The following COLQ variants were observed in gnomAD, a reference collection of about 807,000 sequenced individuals.
The protein encoded by COLQ is collagen like tail subunit of asymmetric acetylcholinesterase.
Under a neutral mutation model 69.0 loss-of-function variants are expected in COLQ, and 48 were observed. The ratio of observed to expected loss-of-function variants is 0.70; its 90% CI spans 0.55 to 0.88. The LOEUF is 0.88. Among genes scored for constraint, COLQ ranks in the 40% least tolerant of loss-of-function variants. COLQ has a pLI of 0.00. For synonymous variants in COLQ, 217 were observed against 211.2 expected (o/e 1.03, Z -0.24); for missense variants, 618 against 594.6 (o/e 1.04, Z -0.41).
chr3:15,456,828 TTCTTTTG>T (rs59052391), intron 13 of COLQ, among the ~76,000 whole-genome samples: 9 of 52,990 alleles, frequency 1.7e-4, no homozygotes, highest in South Asian at 1.3e-3. Flanking sequence ...TTTTCTTTTT[TTCTTTTG>T]TTTTTGAGAT....
chr3:15,482,507 T>G (rs2062505134), intron 3 of COLQ, among the ~76,000 whole-genome samples: 1 of 152,214 alleles, frequency 6.6e-6, no homozygotes. Flanking sequence ...TATGCTGGAT[T>G]ACATTTATTG....
intron 1 of COLQ, among the ~76,000 whole-genome samples, chr3:15,491,435 T>C (rs1201178828): frequency 6.6e-6 from 1 of 152,204 alleles, no homozygotes; most frequent in Non-Finnish European, 1.5e-5. Flanking sequence ...GGCCAGCATC[T>C]GCCGACCATC....
At chr3:15,481,881 T>C (rs2062490070) in intron 3 of COLQ, among the ~76,000 whole-genome samples, 1 of 152,228 alleles carries the variant, frequency 6.6e-6, no homozygotes, top group Non-Finnish European at 1.5e-5. Context: ...CTGTTCTCTT[T>C]CATTTCATTG....
At chr3:15,498,941 T>C (rs566562785) in intron 1 of COLQ, 14 of 1,192,634 alleles carry the variant, frequency 1.2e-5, no homozygotes, top group Non-Finnish European at 1.4e-5. Context: ...TCAAACAGGC[T>C]GCTTTTCATT....
chr3:15,460,092 T>C (rs893873105), intron 12 of COLQ, among the ~76,000 whole-genome samples: 2 of 152,168 alleles, frequency 1.3e-5, no homozygotes, highest in African/African-American at 4.8e-5. Flanking sequence ...AATTTCATGG[T>C]TTCCTATGCC....
chr3:15,486,124 G>A (rs1000227168), intron 3 of COLQ, among the ~76,000 whole-genome samples: 1 of 152,132 alleles, frequency 6.6e-6, no homozygotes, highest in Non-Finnish European at 1.5e-5. Context: ...GAAGAGGAGG[G>A]TTTTCATTCC....
At position 15,504,252 on chromosome 3, in the gene COLQ, G is replaced by A. The variant is rs1227406504; in HGVS notation, c.107-14615C>T. Among the ~76,000 whole-genome samples the A allele has an allele frequency of 2.0e-5, 3 of 152,174 alleles. No homozygotes were observed. The East Asian group carries it at 5.8e-4, about 29-fold the overall frequency. On this transcript the variant is annotated intron_variant, in intron 1 of 16. Coordinates refer to ENST00000383788, the MANE Select transcript of COLQ (RefSeq NM_005677.4). ...CTGCGGTTCGTGTATTGGTTTTCTAGGGCTGGGGTAACAAAGTACCACAGA... is the reference window on the plus strand; with the variant it reads ...CTGCGGTTCGTGTATTGGTTTTCTAAGGCTGGGGTAACAAAGTACCACAGA...
rs914704389 is a variant in COLQ at position 15,478,842 on chromosome 3, C to G, written c.393+135G>C. 6.6e-6 allele frequency: 7 copies of G among 1,057,188 alleles called. No individual in the cohort carries two copies. In the African/African-American group the frequency reaches 9.4e-5, roughly 14 times the overall value. The allele number at this position is 1,057,188 out of a possible 1,614,324, so 65.5% of individuals were successfully genotyped here. The stretch of plus-strand genomic sequence containing the variant: ...AAGGTTACTACTGTCACCATCGAGA[C>G]AGCAGCACCATCACTGTCCACCTGG... On this transcript the variant is annotated intron_variant, in intron 5 of 16. Coordinates refer to ENST00000383788, the MANE Select transcript of COLQ (RefSeq NM_005677.4).
intron 13 of COLQ, 52 bp from the exon 14 acceptor site, chr3:15,456,631 A>G: frequency 6.2e-7 from 1 of 1,608,658 alleles, no homozygotes; most frequent in Non-Finnish European, 8.5e-7. Flanking sequence ...TGCAGGGGGC[A>G]GGAAAAAAGC....
rs1027772649 is a variant in COLQ, at chr3:15,476,281, A to C, written c.466-794T>G. Reference sequence around the variant, plus strand: ...GATTCATGCATTCAAGTTGCTCCAAACATACTTTAACATTTTCAAATAACT... The same window carrying C: ...GATTCATGCATTCAAGTTGCTCCAACCATACTTTAACATTTTCAAATAACT... On this transcript the variant is annotated intron_variant, in intron 6 of 16. Coordinates refer to ENST00000383788, the MANE Select transcript of COLQ (RefSeq NM_005677.4). Among the ~76,000 whole-genome samples, 5 of 152,344 alleles carry C rather than the reference A, an allele frequency of 3.3e-5. No homozygotes were observed. The East Asian group carries it at 5.8e-4, about 18-fold the overall frequency.
chr3:15,511,768 T>C (rs984601748), intron 1 of COLQ, among the ~76,000 whole-genome samples: 1 of 152,114 alleles, frequency 6.6e-6, no homozygotes, highest in African/African-American at 2.4e-5. Context: ...ACAGAGAATC[T>C]GGAAACCTTT....
At chr3:15,476,487 A>G (rs1237462459) in intron 6 of COLQ, among the ~76,000 whole-genome samples, 1 of 152,214 alleles carries the variant, frequency 6.6e-6, no homozygotes, top group Non-Finnish European at 1.5e-5. Context: ...AGGACTGGAC[A>G]CACAGTTTTC....
At position 15,470,618 on chromosome 3, in the gene COLQ, T is replaced by C; in HGVS notation, c.637-2A>G. On this transcript the variant is annotated splice_acceptor_variant, in intron 10 of 16. Transcript: ENST00000383788. LOFTEE classifies it high-confidence loss of function. ...TTCACCTTTTGGACCCATTTCACCC[T>C]GGAAAGAAGGAAAGAGAAGCAAGAG... The C allele has an allele frequency of 1.9e-6, 3 of 1,613,878 alleles. No individual in the cohort carries two copies. The highest frequency in any genetic ancestry group is 2.5e-6 in the Non-Finnish European group (3 of 1,179,910).
At chr3:15,510,015 A>C (rs2062963016) in intron 1 of COLQ, among the ~76,000 whole-genome samples, 1 of 152,056 alleles carries the variant, frequency 6.6e-6, no homozygotes, top group South Asian at 2.1e-4. Flanking sequence ...TACTAAAAAT[A>C]CAAAAAAAAA....
chr3:15,467,761 T>G (rs1402166421), intron 11 of COLQ: 1 of 423,484 alleles, frequency 2.4e-6, no homozygotes, highest in Non-Finnish European at 4.7e-6. Flanking sequence ...TTGGCAGGCT[T>G]GCCCACCTGA....
rs371963686 is a variant in COLQ at position 15,495,876 on chromosome 3, C to T, written c.107-6239G>A. On this transcript the variant is annotated intron_variant, in intron 1 of 16. Coordinates refer to ENST00000383788, the MANE Select transcript of COLQ (RefSeq NM_005677.4). ...TGGCAGGTTCACACCAATCCCGGAA[C>T]GTTTTTAAGGTCCCCTGGCTACAGT... Among the ~76,000 whole-genome samples the T allele has an allele frequency of 1.8e-4, 27 of 152,164 alleles. No individual in the cohort carries two copies. The East Asian group carries it at 2.3e-3, about 13-fold the overall frequency.
intron 1 of COLQ, among the ~76,000 whole-genome samples, chr3:15,509,081 C>T (rs2062948811): frequency 6.6e-6 from 1 of 152,118 alleles, no homozygotes; most frequent in South Asian, 2.1e-4. Flanking sequence ...TAGAAATAAA[C>T]ATTGAGCAAA....
intron 1 of COLQ, among the ~76,000 whole-genome samples, chr3:15,492,297 G>A (rs941676676): frequency 4.6e-5 from 7 of 152,100 alleles, no homozygotes; most frequent in African/African-American, 7.2e-5. Context: ...TAAAATTCCC[G>A]ACTAGATAAA....
At chr3:15,503,012 C>A (rs1410013306) in intron 1 of COLQ, among the ~76,000 whole-genome samples, 1 of 152,182 alleles carries the variant, frequency 6.6e-6, no homozygotes, top group Non-Finnish European at 1.5e-5. Context: ...ATAGCAAGTA[C>A]AGAATTGGGG....
Sources: allele counts gnomAD v4.1 joint callset (sites outside exome capture counted in the v4.1 genomes callset), GRCh38; gene constraint gnomAD v4.1.1; transcripts MANE v1.5; gene names NCBI Gene and HGNC (gene_info 2026-07-23, HGNC 2026-07-21).